The following HMGB1 variants were observed in gnomAD, a reference collection of about 807,000 sequenced individuals.
The protein encoded by HMGB1 is high mobility group protein B1.
For synonymous variants in HMGB1, 81 were observed against 84.0 expected (o/e 0.96, Z 0.19); for missense variants, 79 against 253.5 (o/e 0.31, Z 4.67).
At chr13:30,596,496 T>C (rs758230730) in intron 1 of HMGB1, among the ~76,000 whole-genome samples, 1 of 152,174 alleles carries the variant, frequency 6.6e-6, no homozygotes, top group African/African-American at 2.4e-5. Context: ...GAAAATCTCA[T>C]GGGAACAACT....
intron 1 of HMGB1, among the ~76,000 whole-genome samples, chr13:30,588,377 G>A (rs1349387764): frequency 3.9e-5 from 6 of 152,176 alleles, no homozygotes; most frequent in African/African-American, 1.4e-4. Context: ...AGGATAGGCA[G>A]GTGGATCATG....
chr13:30,533,801 C>T (rs1234400770), intron 1 of HMGB1, among the ~76,000 whole-genome samples: 2 of 151,502 alleles, frequency 1.3e-5, no homozygotes, highest in Non-Finnish European at 2.9e-5. Context: ...TAAATTTTTC[C>T]CTTACATAAT....
At chr13:30,608,278 CTGTT>C in intron 1 of HMGB1, among the ~76,000 whole-genome samples, 1 of 152,204 alleles carries the variant, frequency 6.6e-6, no homozygotes, top group East Asian at 1.9e-4. Context: ...TTGTTTTAAG[CTGTT>C]TGGGGAATAA....
chr13:30,479,944 C>T (rs1359988314), intron 1 of HMGB1, among the ~76,000 whole-genome samples: 1 of 152,200 alleles, frequency 6.6e-6, no homozygotes, highest in Non-Finnish European at 1.5e-5. Flanking sequence ...CAGGGCCCTC[C>T]CTAATCTGGC....
At chr13:30,603,144 T>C (rs887825545) in intron 1 of HMGB1, among the ~76,000 whole-genome samples, 2 of 152,236 alleles carry the variant, frequency 1.3e-5, no homozygotes, top group African/African-American at 4.8e-5. Context: ...TTTTTCTCTC[T>C]GGCAAATTGT....
intron 1 of HMGB1, among the ~76,000 whole-genome samples, chr13:30,519,470 C>T (rs186857400): frequency 0.023 from 3,475 of 150,348 alleles, 65 homozygotes; most frequent in Non-Finnish European, 0.034. Context: ...CCAAGGTGGG[C>T]GGATCACGAG....
rs1158951056 is a variant in HMGB1, at chr13:30,465,850, G to A, written c.-69C>T. ...CCGTCCGGCTCTCACTTGCCCCGGT[G>A]CTGTCTCTATGGAGCTCAATGTACT... On this transcript the variant is annotated 5_prime_UTR_variant, in exon 1 of 5. Transcript: ENST00000341423. The A allele has an allele frequency of 4.1e-6, 4 of 985,452 alleles. No individual in the cohort carries two copies. In the African/African-American group the frequency reaches 5.2e-5, roughly 13 times the overall value. 61.0% of individuals were successfully genotyped at this position (985,452 alleles called of 1,614,324 possible). A position where few individuals can be genotyped will look rare whatever the true frequency, so the allele number is the denominator to read the frequency against.
chr13:30,503,350 T>TA (rs879464322), intron 1 of HMGB1, among the ~76,000 whole-genome samples: 240 of 135,750 alleles, frequency 1.8e-3, no homozygotes, highest in African/African-American at 5.9e-3. Context: ...TCTCAAAAAA[T>TA]AAAAAAAAAA....
intron 1 of HMGB1, among the ~76,000 whole-genome samples, chr13:30,497,840 T>G (rs1218723420): frequency 6.6e-6 from 1 of 152,240 alleles, no homozygotes; most frequent in Non-Finnish European, 1.5e-5. Context: ...CACATTTTCC[T>G]TATCCAGTCT....
rs542594948 is a variant in HMGB1, at chr13:30,460,383, C to T, written c.*974G>A. ...CTATAGCCAGCATTTTCATAGTCTT[C>T]ACTGAGACTAATGTCAACAAAAAAT... On this transcript the variant is annotated 3_prime_UTR_variant, in exon 5 of 5. Coordinates refer to ENST00000341423, the MANE Select transcript of HMGB1 (RefSeq NM_002128.7). The T allele has an allele frequency of 1.3e-4, 19 of 151,528 alleles. No individual in the cohort carries two copies. In the East Asian group the frequency reaches 2.9e-3, roughly 23 times the overall value. 9.4% of individuals were successfully genotyped at this position (151,528 alleles called of 1,614,324 possible). A position where few individuals can be genotyped will look rare whatever the true frequency, so the allele number is the denominator to read the frequency against.
chr13:30,538,222 A>C (rs1226127981), intron 1 of HMGB1, among the ~76,000 whole-genome samples: 1 of 152,230 alleles, frequency 6.6e-6, no homozygotes, highest in Non-Finnish European at 1.5e-5. Context: ...AGCTCCATGA[A>C]ATCTGTGTTT....
chr13:30,496,894 C>T (rs1887620203), intron 1 of HMGB1, among the ~76,000 whole-genome samples: 1 of 152,154 alleles, frequency 6.6e-6, no homozygotes, highest in South Asian at 2.1e-4. Context: ...ACACACCACA[C>T]ACACCGCCCA....
intron 1 of HMGB1, among the ~76,000 whole-genome samples, chr13:30,509,348 CGT>C (rs1450277506): frequency 1.6e-4 from 25 of 151,760 alleles, no homozygotes; most frequent in African/African-American, 6.1e-4. Flanking sequence ...ATATGATTAT[CGT>C]GTCTCAGCCT....
chr13:30,516,863 G>T (rs887739186), intron 1 of HMGB1, among the ~76,000 whole-genome samples: 1 of 152,138 alleles, frequency 6.6e-6, no homozygotes, highest in Non-Finnish European at 1.5e-5. Context: ...GCTGCAATGA[G>T]CTGTGATCAC....
At position 30,465,830 on chromosome 13, in the gene HMGB1, C is replaced by T. The variant is rs1886755124; in HGVS notation, c.-49G>A. 2 of 985,664 alleles carry T rather than the reference C, an allele frequency of 2.0e-6. No homozygotes were observed. The highest frequency in any genetic ancestry group is 2.4e-6 in the Non-Finnish European group (2 of 829,762). 61.1% of individuals were successfully genotyped at this position (985,664 alleles called of 1,614,324 possible). On this transcript the variant is annotated 5_prime_UTR_variant, in exon 1 of 5. Coordinates refer to ENST00000341423, the MANE Select transcript of HMGB1 (RefSeq NM_002128.7). ...GGCACAGAGTCGCCCAGTGCCCGTC[C>T]GGCTCTCACTTGCCCCGGTGCTGTC...
chr13:30,555,329 C>G (rs747746622), intron 1 of HMGB1, among the ~76,000 whole-genome samples: 1 of 152,068 alleles, frequency 6.6e-6, no homozygotes, highest in Non-Finnish European at 1.5e-5. Context: ...GCGTGAGCCA[C>G]CGCATTGGCC....
intron 1 of HMGB1, among the ~76,000 whole-genome samples, chr13:30,607,975 C>T (rs1950476849): frequency 6.6e-6 from 1 of 152,192 alleles, no homozygotes; most frequent in Admixed American, 6.5e-5. Flanking sequence ...AATCCTTCAC[C>T]TCTTGGTATT....
chr13:30,500,149 C>G (rs754162631), intron 1 of HMGB1, among the ~76,000 whole-genome samples: 27 of 152,238 alleles, frequency 1.8e-4, no homozygotes, highest in Non-Finnish European at 1.5e-4. Context: ...CTCTTGCAGT[C>G]TCTTTTGCAT....
intron 1 of HMGB1, among the ~76,000 whole-genome samples, chr13:30,499,022 G>A (rs1450606856): frequency 2.7e-5 from 4 of 150,744 alleles, no homozygotes; most frequent in Non-Finnish European, 4.4e-5. Context: ...GTGCAATCTC[G>A]GCTCACTCCA....
Sources: gnomAD v4.1 joint callset for allele counts (sites outside exome capture counted in the v4.1 genomes callset) on GRCh38, gnomAD v4.1.1 for gene constraint, MANE v1.5 for transcripts, NCBI Gene and HGNC (gene_info 2026-07-23, HGNC 2026-07-21) for gene names.